Variants in BAZ2B observed in about 807,000 individuals in gnomAD.
BAZ2B encodes the protein bromodomain adjacent to zinc finger domain 2B.
BAZ2B carries 91 observed loss-of-function variants against 246.0 expected under a neutral mutation model. That is an observed-to-expected ratio of 0.37 (90% CI 0.31 to 0.44). The LOEUF is 0.44. BAZ2B is among the 20% of genes least tolerant of loss of function. The pLI, the probability that BAZ2B is intolerant of heterozygous loss-of-function variation, is 1.00. For missense variants in BAZ2B, 2,332 were observed against 2,533.7 expected (o/e 0.92, Z 1.71); for synonymous variants, 855 against 860.0 (o/e 0.99, Z 0.10).
chr2:159,460,418 A>AAG (rs2076264821), intron 3 of BAZ2B: 1 of 152,084 alleles, frequency 6.6e-6, no homozygotes, highest in Non-Finnish European at 1.5e-5. Context: ...AGTCAAGAAA[A>AAG]TTGCTTACCA....
At chr2:159,632,655 T>C in the BAZ2B span, among the ~76,000 whole-genome samples, 1 of 152,194 alleles carries the variant, frequency 6.6e-6, no homozygotes, top group African/African-American at 2.4e-5. Flanking sequence ...GCCTCATATA[T>C]AACTTAATGT....
chr2:159,439,177 G>A lies in BAZ2B; in HGVS notation c.732C>T (p.Asn244=). ...ATGATGTGCCTGAATCACTATCACT[G>A]TTGCTAGAACTTTCCATTGCTTTCT... ...PRKKAMESSS[N]SDSDSGTSSD... Residue 244 remains asparagine (N), a synonymous_variant, in exon 7 of 37, where the codon AAC becomes AAT. Coordinates refer to ENST00000392783, the MANE Select transcript of BAZ2B (RefSeq NM_013450.4). 6.2e-7 allele frequency: 1 copy of A among 1,613,908 alleles called. No homozygotes were observed. The highest frequency in any genetic ancestry group is 8.5e-7 in the Non-Finnish European group (1 of 1,179,898).
intron 31 of BAZ2B, among the ~76,000 whole-genome samples, chr2:159,342,553 T>G (rs2066913752): frequency 6.6e-6 from 1 of 152,352 alleles, no homozygotes; most frequent in South Asian, 2.1e-4. Context: ...CCCAAAGTTC[T>G]GGGATTACAG....
At chr2:159,468,477 G>A (rs1237729502) in intron 3 of BAZ2B, among the ~76,000 whole-genome samples, 2 of 152,160 alleles carry the variant, frequency 1.3e-5, no homozygotes, top group African/African-American at 4.8e-5. Context: ...AAGAATCATA[G>A]CACAAATATT....
chr2:159,501,201 A>AT lies in BAZ2B; in HGVS notation c.-2-22481dup, dbSNP rs1186829261. Among the ~76,000 whole-genome samples, 13 of 104,956 alleles carry AT rather than the reference A, an allele frequency of 1.2e-4. 1 individual carries two copies. Among genetic ancestry groups the AT allele is most frequent in the South Asian group, 5.6e-4 (2 of 3,602 alleles). 68.9% of individuals were successfully genotyped at this position (104,956 alleles called of 152,430 possible). ...ATATATATTTATATATAATATATAT[A>AT]TTTTTATATATATTATATATATATT... On this transcript the variant is annotated intron_variant, in intron 2 of 36. Transcript: ENST00000392783.
the BAZ2B span, among the ~76,000 whole-genome samples, chr2:159,625,643 C>T: frequency 6.6e-6 from 1 of 152,110 alleles, no homozygotes. Flanking sequence ...ATTTTGTCAC[C>T]ACCAGGCCTG....
chr2:159,594,475 GA>G (rs1690165689), intron 1 of BAZ2B, among the ~76,000 whole-genome samples: 1 of 152,022 alleles, frequency 6.6e-6, no homozygotes, highest in African/African-American at 2.4e-5. Context: ...GTTTACAAAA[GA>G]AAGGTAAATC....
intron 25 of BAZ2B, among the ~76,000 whole-genome samples, chr2:159,381,309 A>G (rs1292208124): frequency 3.3e-5 from 5 of 152,140 alleles, no homozygotes; most frequent in African/African-American, 4.8e-5. Context: ...CAGCAAGTCC[A>G]AAAATAAATA....
chr2:159,416,297 A>C (rs1234453039), intron 13 of BAZ2B, among the ~76,000 whole-genome samples: 1 of 152,238 alleles, frequency 6.6e-6, no homozygotes, highest in Non-Finnish European at 1.5e-5. Context: ...AATAAAGTCA[A>C]TAGGAACAAT....
upstream of BAZ2B, among the ~76,000 whole-genome samples, chr2:159,620,735 G>A (rs115194281): frequency 6.0e-3 from 920 of 152,150 alleles, 7 homozygotes; most frequent in African/African-American, 0.021. Flanking sequence ...TCAGTATGGG[G>A]AAGGACAGAG....
intron 17 of BAZ2B, among the ~76,000 whole-genome samples, chr2:159,399,223 TCA>T (rs2064561123): frequency 6.6e-6 from 1 of 151,054 alleles, no homozygotes; most frequent in Non-Finnish European, 1.5e-5. Flanking sequence ...TGATTTTATG[TCA>T]CATTGTTTTT....
At chr2:159,698,154 T>C in the BAZ2B span, among the ~76,000 whole-genome samples, 1 of 152,156 alleles carries the variant, frequency 6.6e-6, no homozygotes, top group East Asian at 1.9e-4. Flanking sequence ...TAATCACCAA[T>C]GCTAGAAGTT....
intron 2 of BAZ2B, among the ~76,000 whole-genome samples, chr2:159,533,268 C>A (rs1228170316): frequency 6.6e-6 from 1 of 152,064 alleles, no homozygotes; most frequent in East Asian, 1.9e-4. Flanking sequence ...GATACATAAT[C>A]CTTTTTCTAA....
rs775409588 is a variant in BAZ2B, at chr2:159,432,761, T to C, written c.1896A>G (p.Gln632=). The C allele has an allele frequency of 3.7e-6, 6 of 1,609,510 alleles. No homozygotes were observed. The highest frequency in any genetic ancestry group is 5.1e-6 in the Non-Finnish European group (6 of 1,176,510). Residue 632 remains glutamine, a synonymous_variant, in exon 9 of 37, where the codon CAA becomes CAG. Transcript: ENST00000392783. ...AAATTTTAAAATGAAAATAACCTGA[T>C]TGGCTGTCATCAGATTCATCATCTT... ...DDEDDESDDS[Q]SESDSNSESD...
chr2:159,547,045 A>G (rs1329487403), intron 2 of BAZ2B, among the ~76,000 whole-genome samples: 1 of 152,198 alleles, frequency 6.6e-6, no homozygotes, highest in Non-Finnish European at 1.5e-5. Context: ...AAAGACACAC[A>G]GGAAATATTC....
intron 2 of BAZ2B, chr2:159,516,641 T>A (rs947826260): frequency 2.0e-5 from 3 of 152,576 alleles, no homozygotes; most frequent in Admixed American, 6.5e-5. Context: ...AGTTTACACA[T>A]CTTGATTTCC....
intron 25 of BAZ2B, 29 bp from the exon 26 acceptor site, chr2:159,374,782 A>G (rs753769295): frequency 1.3e-6 from 2 of 1,582,362 alleles, no homozygotes; most frequent in South Asian, 1.1e-5. Flanking sequence ...AGTGTCATTT[A>G]TCTGTTTTAA....
At chr2:159,534,667 C>T (rs987068722) in intron 2 of BAZ2B, among the ~76,000 whole-genome samples, 6 of 150,768 alleles carry the variant, frequency 4.0e-5, no homozygotes, top group Non-Finnish European at 8.8e-5. Context: ...CTCGCTCTGT[C>T]GCCAGGCTGG....
At chr2:159,615,646 T>TG (rs1167943324) in intron 1 of BAZ2B, 4 of 130,780 alleles carry the variant, frequency 3.1e-5, no homozygotes, top group Admixed American at 7.5e-5. Flanking sequence ...CGGACGGGGG[T>TG]GGGGGGTGAT....
Sources: gnomAD v4.1 joint callset for allele counts (sites outside exome capture counted in the v4.1 genomes callset) on GRCh38, gnomAD v4.1.1 for gene constraint, MANE v1.5 for transcripts, NCBI Gene and HGNC (gene_info 2026-07-23, HGNC 2026-07-21) for gene names.